Variants in KSR2 observed in about 807,000 individuals in gnomAD.
The protein encoded by KSR2 is kinase suppressor of ras 2.
Under a neutral mutation model 107.8 loss-of-function variants are expected in KSR2, and 25 were observed. The observed-to-expected ratio is 0.23, with a 90% CI of 0.17 to 0.32. The LOEUF is 0.32. Among genes scored for constraint, KSR2 ranks in the 10% least tolerant of loss-of-function variants. The pLI is 1.00. For missense variants in KSR2, 887 were observed against 1,268.9 expected (o/e 0.70, Z 4.57); for synonymous variants, 480 against 507.0 (o/e 0.95, Z 0.71).
chr12:117,795,948 A>G (rs1395192692), intron 3 of KSR2, among the ~76,000 whole-genome samples: 1 of 152,170 alleles, frequency 6.6e-6, no homozygotes, highest in Non-Finnish European at 1.5e-5. Context: ...GTTTTGAGAC[A>G]GGGTCTCTCA....
chr12:117,893,551 T>C (rs534056692), intron 1 of KSR2, among the ~76,000 whole-genome samples: 11 of 152,324 alleles, frequency 7.2e-5, no homozygotes, highest in African/African-American at 2.4e-4. Flanking sequence ...ACCCACTACC[T>C]GTGAGATTTG....
rs529066814 is a variant in KSR2, at chr12:117,769,472, C to T, written c.473-7948G>A. Among the ~76,000 whole-genome samples the T allele has an allele frequency of 2.0e-4, 30 of 152,258 alleles. No homozygotes were observed. In the South Asian group the frequency reaches 5.8e-3, roughly 29 times the overall value. On this transcript the variant is annotated intron_variant, in intron 3 of 19. Transcript: ENST00000339824. Reference sequence around the variant, plus strand: ...ACAAGAGTTAATTCTCCTAAGTCAACGCCAACACTTAGACATGAATTTGTC... The same window carrying T: ...ACAAGAGTTAATTCTCCTAAGTCAATGCCAACACTTAGACATGAATTTGTC...
intron 14 of KSR2, among the ~76,000 whole-genome samples, chr12:117,498,964 T>G (rs943084329): frequency 1.4e-4 from 22 of 152,216 alleles, no homozygotes; most frequent in African/African-American, 5.3e-4. Context: ...ACTAATACAC[T>G]AAGATACGCC....
chr12:117,726,699 G>T (rs1167516835), intron 4 of KSR2, among the ~76,000 whole-genome samples: 2 of 152,180 alleles, frequency 1.3e-5, no homozygotes, highest in Non-Finnish European at 1.5e-5. Flanking sequence ...ACACCTGCTG[G>T]TGGGATTGTA....
At chr12:117,489,513 A>T (rs540294961) in intron 14 of KSR2, among the ~76,000 whole-genome samples, 1 of 150,418 alleles carries the variant, frequency 6.6e-6, no homozygotes, top group Admixed American at 6.6e-5. Flanking sequence ...CACCACCACA[A>T]TCCAGCCTGG....
intron 14 of KSR2, among the ~76,000 whole-genome samples, chr12:117,498,716 C>A (rs1093300): frequency 6.6e-6 from 1 of 151,798 alleles, no homozygotes; most frequent in Non-Finnish European, 1.5e-5. Context: ...TGGGGACAGG[C>A]CTTTCCTGTG....
At chr12:117,484,161 C>T (rs1872326951) in intron 16 of KSR2, among the ~76,000 whole-genome samples, 1 of 152,150 alleles carries the variant, frequency 6.6e-6, no homozygotes, top group African/African-American at 2.4e-5. Context: ...AGGGTAGGGG[C>T]TTTGAAAGGT....
In KSR2 at chr12:117,548,222, G is replaced by A. The variant is rs565021312; in HGVS notation, c.1518+6947C>T. ...TTATATACAATGTCCATTGTTTTTA[G>A]CTGTACAGTTGACCCTTGAATAACA... On this transcript the variant is annotated intron_variant, in intron 9 of 19. Transcript: ENST00000339824. 2.0e-5 allele frequency among the ~76,000 whole-genome samples: 3 copies of A among 151,978 alleles called. No individual in the cohort carries two copies. In the South Asian group the frequency reaches 6.3e-4, roughly 32 times the overall value.
intron 14 of KSR2, among the ~76,000 whole-genome samples, chr12:117,490,910 A>G (rs956599645): frequency 6.6e-6 from 1 of 152,210 alleles, no homozygotes; most frequent in African/African-American, 2.4e-5. Context: ...TATTTATCTC[A>G]CATTTTTTTG....
rs181747154 is a variant in KSR2, at chr12:117,831,089, G to T, written c.472+24339C>A. On this transcript the variant is annotated intron_variant, in intron 3 of 19. Transcript: ENST00000339824. ...AATCCAAATACCTCCCCCAGAGCAA[G>T]AAACGCTGATATTATTATCAATATG... is the stretch of plus-strand genomic sequence containing the variant. Among the ~76,000 whole-genome samples the T allele has an allele frequency of 3.1e-3, 472 of 152,286 alleles. 2 individuals carry two copies. The highest frequency in any genetic ancestry group is 6.0e-3 in the Admixed American group (92 of 15,296).
chr12:117,835,567 G>A (rs1330600838), intron 3 of KSR2, among the ~76,000 whole-genome samples: 2 of 152,030 alleles, frequency 1.3e-5, no homozygotes, highest in Non-Finnish European at 2.9e-5. Context: ...GAACCAAAGC[G>A]GCTATGTTCC....
chr12:117,700,675 G>A (rs1426419703), intron 4 of KSR2, among the ~76,000 whole-genome samples: 1 of 152,232 alleles, frequency 6.6e-6, no homozygotes, highest in Non-Finnish European at 1.5e-5. Flanking sequence ...TTAACTTGGT[G>A]AAGACGCTAT....
intron 14 of KSR2, among the ~76,000 whole-genome samples, chr12:117,495,398 A>G (rs757161323): frequency 5.3e-5 from 8 of 152,232 alleles, no homozygotes; most frequent in Non-Finnish European, 1.2e-4. Context: ...TTAGCTTCCT[A>G]TAAAAATGGG....
rs1379917265 is a variant in KSR2 at position 117,876,746 on chromosome 12, T to C, written c.181-16315A>G. Among the ~76,000 whole-genome samples, 3 of 148,860 alleles carry C rather than the reference T, an allele frequency of 2.0e-5. No homozygotes were observed. In the East Asian group the frequency reaches 5.8e-4, roughly 29 times the overall value. ...GATAATTCATATATAATACATAATA[T>C]AATTTGAAATATATATATTTATATA... On this transcript the variant is annotated intron_variant, in intron 1 of 19. Transcript: ENST00000339824.
intron 5 of KSR2, among the ~76,000 whole-genome samples, chr12:117,619,824 C>T (rs1426378877): frequency 1.3e-5 from 2 of 151,754 alleles, no homozygotes; most frequent in Non-Finnish European, 2.9e-5. Flanking sequence ...ATAAAATTCA[C>T]TCATTTTAAG....
chr12:117,470,253 A>G (rs1871366035), intron 18 of KSR2, among the ~76,000 whole-genome samples: 1 of 138,948 alleles, frequency 7.2e-6, no homozygotes, highest in Non-Finnish European at 1.5e-5. Flanking sequence ...ACATCTACCC[A>G]TCCATATCAA....
intron 4 of KSR2, among the ~76,000 whole-genome samples, chr12:117,675,707 G>A (rs573824159): frequency 1.3e-5 from 2 of 152,178 alleles, no homozygotes; most frequent in African/African-American, 2.4e-5. Flanking sequence ...CTCCTCGAGC[G>A]TGTGGGTTGT....
intron 7 of KSR2, among the ~76,000 whole-genome samples, chr12:117,573,596 T>C (rs1472040229): frequency 6.6e-6 from 1 of 150,740 alleles, no homozygotes; most frequent in Non-Finnish European, 1.5e-5. Context: ...AGTGCAATGT[T>C]GGCTCACTGC....
chr12:117,679,279 C>T (rs1038900938), intron 4 of KSR2, among the ~76,000 whole-genome samples: 18 of 152,206 alleles, frequency 1.2e-4, no homozygotes, highest in African/African-American at 4.3e-4. Context: ...GTCCAGGTAC[C>T]AGCTCCCCAT....
Sources: gnomAD v4.1 joint callset for allele counts (sites outside exome capture counted in the v4.1 genomes callset) on GRCh38, gnomAD v4.1.1 for gene constraint, MANE v1.5 for transcripts, NCBI Gene and HGNC (gene_info 2026-07-23, HGNC 2026-07-21) for gene names.